FHAD1: variants seen among roughly 807,000 people sequenced by gnomAD.
FHAD1 encodes the protein forkhead associated phosphopeptide binding domain 1.
FHAD1 carries 146 observed loss-of-function variants against 191.3 expected under a neutral mutation model. That is an observed-to-expected ratio of 0.76 (90% CI 0.67 to 0.88). FHAD1 has a LOEUF of 0.88. Ranked by LOEUF, FHAD1 falls within the 40% of genes least tolerant of loss-of-function variation. The pLI is 0.00. For synonymous variants in FHAD1, 616 were observed against 672.3 expected (o/e 0.92, Z 1.29); for missense variants, 1,635 against 1,785.8 (o/e 0.92, Z 1.52).
chr1:15,304,015 T>C (rs1468868659), intron 6 of FHAD1, among the ~76,000 whole-genome samples: 3 of 152,224 alleles, frequency 2.0e-5, no homozygotes, highest in African/African-American at 4.8e-5. Context: ...CTGCTCACAT[T>C]TTAGTCTCTT....
Position 15,324,516 on chromosome 1 carries a change from G to C in FHAD1, c.1430G>C (p.Arg477Thr). 1 of 1,552,160 alleles carries C rather than the reference G, an allele frequency of 6.4e-7. No homozygotes were observed. The highest frequency in any genetic ancestry group is 8.7e-7 in the Non-Finnish European group (1 of 1,147,066). Residue 477 changes from arginine to threonine, a missense_variant, in exon 11 of 34, where the codon AGA becomes ACA. Transcript: ENST00000688493. ...KLLQLQEMGN[R>T]ESVIKINLER... is the part of the protein sequence containing the mutation. ...CTTCAGCTGCAAGAAATGGGGAACA[G>C]AGAGAGCGTCATTAAAATCAATTTG...
intron 5 of FHAD1, among the ~76,000 whole-genome samples, chr1:15,300,685 G>A (rs1222705031): frequency 6.6e-6 from 1 of 152,120 alleles, no homozygotes; most frequent in Non-Finnish European, 1.5e-5. Flanking sequence ...TCGCTCTAAG[G>A]TATACACATG....
chr1:15,355,113 G>A (rs1326424512), intron 20 of FHAD1, among the ~76,000 whole-genome samples: 1 of 151,998 alleles, frequency 6.6e-6, no homozygotes, highest in African/African-American at 2.4e-5. Flanking sequence ...GGAGGCTGAG[G>A]CAGGAGAATC....
At chr1:15,285,534 C>T (rs1662133683) in intron 3 of FHAD1, among the ~76,000 whole-genome samples, 1 of 151,894 alleles carries the variant, frequency 6.6e-6, no homozygotes, top group African/African-American at 2.4e-5. Context: ...ATTCCATCTC[C>T]ATAAATAAAT....
intron 33 of FHAD1, among the ~76,000 whole-genome samples, chr1:15,392,165 T>C (rs1233552913): frequency 2.6e-5 from 4 of 152,150 alleles, no homozygotes; most frequent in Admixed American, 2.6e-4. Context: ...CAGCCACAGC[T>C]TGAGAAAAAA....
At chr1:15,331,661 G>GGGAAGGCAGGAA (rs1681624599) in intron 14 of FHAD1, among the ~76,000 whole-genome samples, 2 of 135,556 alleles carry the variant, frequency 1.5e-5, no homozygotes, top group African/African-American at 5.3e-5. Context: ...GAAGGCAGGA[G>GGGAAGGCAGGAA]GGAAGGCAGG....
At chr1:15,290,169 A>G (rs900539149) in intron 4 of FHAD1, among the ~76,000 whole-genome samples, 1 of 152,154 alleles carries the variant, frequency 6.6e-6, no homozygotes, top group African/African-American at 2.4e-5. Context: ...TTTCAGTCCC[A>G]TTTAAAGGCT....
In FHAD1 at chr1:15,327,168, G is replaced by C. The variant is rs1365761703; in HGVS notation, c.1557+26G>C. On this transcript the variant is annotated intron_variant, in intron 12 of 33. Coordinates refer to ENST00000688493, the MANE Select transcript of FHAD1 (RefSeq NM_001391957.1). The surrounding 1 kb of genome is among the most constrained non-coding windows in gnomAD (Gnocchi z 5.1). Reference sequence around the variant, plus strand: ...GTTAGTCTGCCGTCCCTGCCACGTGGCTCCTTCACTTTCCTCTTCTTCTTC... The same window carrying C: ...GTTAGTCTGCCGTCCCTGCCACGTGCCTCCTTCACTTTCCTCTTCTTCTTC... 1.4e-6 allele frequency: 2 copies of C among 1,479,176 alleles called. No homozygotes were observed. The highest frequency in any genetic ancestry group is 2.4e-5 in the South Asian group (2 of 82,172). 91.6% of individuals were successfully genotyped at this position (1,479,176 alleles called of 1,614,324 possible).
intron 27 of FHAD1, among the ~76,000 whole-genome samples, chr1:15,375,321 G>A (rs1224930470): frequency 2.0e-5 from 3 of 152,130 alleles, no homozygotes. Flanking sequence ...GGACCTGGAA[G>A]CCTGGGTTCA....
At chr1:15,301,550 G>A (rs80173107) in intron 6 of FHAD1, 109 bp downstream of exon 6, 2 of 826,186 alleles carry the variant, frequency 2.4e-6, no homozygotes, top group Non-Finnish European at 3.8e-6. Context: ...GTGGTCAGTG[G>A]AGCATGGTGG....
At chr1:15,247,573 T>G (rs894790815) in intron 1 of FHAD1, among the ~76,000 whole-genome samples, 178 bp downstream of exon 1, 6 of 152,164 alleles carry the variant, frequency 3.9e-5, no homozygotes, top group African/African-American at 1.4e-4. Flanking sequence ...CCTTTCCAGA[T>G]GCAGGCCCCA....
intron 28 of FHAD1, among the ~76,000 whole-genome samples, chr1:15,377,214 TG>T (rs1279003182): frequency 6.6e-6 from 1 of 152,218 alleles, no homozygotes; most frequent in African/African-American, 2.4e-5. Context: ...TACATTCTCT[TG>T]GCAGTTTTTC....
Position 15,285,565 on chromosome 1 carries a change from C to CT in FHAD1, c.301-3823dup, listed in dbSNP as rs548103460. Among the ~76,000 whole-genome samples, 759 of 148,048 alleles carry CT rather than the reference C, an allele frequency of 5.1e-3. 8 individuals are homozygous for CT. The highest frequency in any genetic ancestry group is 7.5e-3 in the Non-Finnish European group (497 of 66,602). On this transcript the variant is annotated intron_variant, in intron 3 of 33. Transcript: ENST00000688493. ...TAAATAAATAAATAACAAAATAAAA[C>CT]TTTTTTTTTTTAACTGAAAGAGCTG...
intron 10 of FHAD1, among the ~76,000 whole-genome samples, chr1:15,322,733 A>G (rs1288469327): frequency 1.3e-5 from 2 of 152,178 alleles, no homozygotes; most frequent in African/African-American, 4.8e-5. Flanking sequence ...CCACTTGGTA[A>G]CCCTCTCACA....
chr1:15,338,546 G>A (rs974113050), intron 14 of FHAD1, among the ~76,000 whole-genome samples: 3 of 152,160 alleles, frequency 2.0e-5, no homozygotes, highest in African/African-American at 7.2e-5. Flanking sequence ...TATTTGCCAA[G>A]CTCTTTTTGC....
chr1:15,360,687 G>A lies in FHAD1; in HGVS notation c.2946G>A (p.Leu982=). Residue 982 remains leucine, a synonymous_variant, in exon 22 of 34, where the codon TTG becomes TTA. Transcript: ENST00000688493. Reference sequence around the variant, plus strand: ...AAATAGAAGGCGAGATTGCAACATTGAAGGACAATGACCCAGGTAAGTCCG... The same window carrying A: ...AAATAGAAGGCGAGATTGCAACATTAAAGGACAATGACCCAGGTAAGTCCG... ...HKKIEGEIAT[L]KDNDPAPKEE... The A allele has an allele frequency of 7.1e-6, 11 of 1,551,662 alleles. No individual in the cohort carries two copies. Among genetic ancestry groups the A allele is most frequent in the Non-Finnish European group, 8.7e-6 (10 of 1,146,966 alleles).
upstream of FHAD1, among the ~76,000 whole-genome samples, chr1:15,246,529 C>T (rs936365564): frequency 2.8e-5 from 4 of 143,362 alleles, no homozygotes; most frequent in African/African-American, 7.5e-5. Context: ...CACTCCATCC[C>T]GCGAGTCCTG....
chr1:15,289,370 C>A lies in FHAD1; in HGVS notation c.301-29C>A, dbSNP rs940717036. On this transcript the variant is annotated intron_variant, in intron 3 of 33. Coordinates refer to ENST00000688493, the MANE Select transcript of FHAD1 (RefSeq NM_001391957.1). The surrounding 1 kb of genome is among the most constrained non-coding windows in gnomAD (Gnocchi z 4.2). The stretch of plus-strand genomic sequence containing the variant: ...TGGAGACCATCCCAGCCGGTCATAA[C>A]CTCCCCTGACCCTTGTCTGCCCCTG... The A allele has an allele frequency of 2.6e-6, 4 of 1,542,836 alleles. No individual in the cohort carries two copies. The Admixed American group carries it at 5.9e-5, about 23-fold the overall frequency.
chr1:15,317,906 G>C lies in FHAD1; in HGVS notation c.1343G>C (p.Arg448Thr), dbSNP rs1674992405. The C allele has an allele frequency of 6.4e-7, 1 of 1,551,366 alleles. No individual in the cohort carries two copies. Among genetic ancestry groups the C allele is most frequent in the Non-Finnish European group, 8.7e-7 (1 of 1,146,750 alleles). The change falls in exon 10 of 34, where the codon AGG becomes ACG. Residue 448 changes from arginine to threonine, a missense_variant. Physicochemically the swap from Arg to Thr is moderately conservative, Grantham distance 71. Coordinates refer to ENST00000688493, the MANE Select transcript of FHAD1 (RefSeq NM_001391957.1). ...KSCTEQSVIS[R>T]TLREKSKVEE... The stretch of plus-strand genomic sequence containing the variant: ...TGTACTGAACAAAGCGTGATCTCTA[G>C]GACTCTGAGAGAAAAAAGCAAGGTA...
Sources: allele counts gnomAD v4.1 joint callset (sites outside exome capture counted in the v4.1 genomes callset), GRCh38; gene constraint gnomAD v4.1.1; non-coding constraint Gnocchi (gnomAD v3.1); transcripts MANE v1.5; gene names NCBI Gene and HGNC (gene_info 2026-07-23, HGNC 2026-07-21).